The following JPH1 variants were observed in gnomAD, a reference collection of about 807,000 sequenced individuals.
JPH1 encodes the protein junctophilin-1.
In JPH1, 12 loss-of-function variants were observed where a neutral mutation model predicts 53.6. The ratio of observed to expected loss-of-function variants is 0.22; its 90% CI spans 0.14 to 0.36. The LOEUF is 0.36. Among genes scored for constraint, JPH1 ranks in the 10% least tolerant of loss-of-function variants. The pLI, the probability that JPH1 is intolerant of heterozygous loss-of-function variation, is 1.00. For synonymous variants in JPH1, 375 were observed against 363.8 expected, an observed-to-expected ratio of 1.03 and a Z score of -0.35; for missense variants, 808 against 905.5, an observed-to-expected ratio of 0.89 and a Z score of 1.38.
intron 3 of JPH1, among the ~76,000 whole-genome samples, chr8:74,255,366 C>T (rs1806189904): frequency 6.6e-6 from 1 of 152,004 alleles, no homozygotes; most frequent in African/African-American, 2.4e-5. Context: ...AACTGGATCC[C>T]TTCCTTACAC....
Position 74,246,778 on chromosome 8 carries a change from G to A in JPH1, c.1259-1603C>T, listed in dbSNP as rs541280546. Among the ~76,000 whole-genome samples the A allele has an allele frequency of 5.3e-4, 81 of 152,268 alleles. 1 individual carries two copies. Among genetic ancestry groups the A allele is most frequent in the South Asian group, 1.2e-3 (6 of 4,832 alleles). Reference sequence around the variant, plus strand: ...CTTCTAGAAGATACATCCACTCCTGGGGATTCAAGTTTCCCAAATTTGTCA... The same window carrying A: ...CTTCTAGAAGATACATCCACTCCTGAGGATTCAAGTTTCCCAAATTTGTCA... On this transcript the variant is annotated intron_variant, in intron 3 of 5. Transcript: ENST00000342232.
intron 2 of JPH1, among the ~76,000 whole-genome samples, chr8:74,310,288 T>TA (rs34501932): frequency 0.034 from 4,534 of 133,966 alleles, 197 homozygotes; most frequent in African/African-American, 0.1. Flanking sequence ...GAACATTTCT[T>TA]AAAAAAAAAA....
intron 2 of JPH1, among the ~76,000 whole-genome samples, chr8:74,310,861 C>G (rs963151486): frequency 6.6e-6 from 1 of 152,164 alleles, no homozygotes; most frequent in Non-Finnish European, 1.5e-5. Flanking sequence ...ATAAAAGTCT[C>G]TAAAGCATAA....
intron 2 of JPH1, among the ~76,000 whole-genome samples, chr8:74,278,952 G>GACAC (rs142504862): frequency 1.3e-5 from 2 of 150,522 alleles, no homozygotes; most frequent in African/African-American, 4.9e-5. Flanking sequence ...AAGCAAGACA[G>GACAC]ACACACACAC....
intron 2 of JPH1, among the ~76,000 whole-genome samples, chr8:74,314,544 AC>A (rs1269231501): frequency 1.3e-5 from 2 of 152,194 alleles, no homozygotes; most frequent in African/African-American, 4.8e-5. Context: ...AGAAAAGAAA[AC>A]AGCAACTTTC....
chr8:74,269,095 T>C (rs146787157), intron 2 of JPH1, among the ~76,000 whole-genome samples: 13 of 152,358 alleles, frequency 8.5e-5, no homozygotes, highest in African/African-American at 3.1e-4. Context: ...TGTTTTATAT[T>C]ATCTAAAATG....
At chr8:74,314,837 AC>A in intron 2 of JPH1, 23 bp downstream of exon 2, 1 of 1,612,756 alleles carries the variant, frequency 6.2e-7, no homozygotes, top group Non-Finnish European at 8.5e-7. Context: ...ACCCAGCAAA[AC>A]CAACCACCCT....
chr8:74,240,362 T>C (rs374164100), intron 4 of JPH1, among the ~76,000 whole-genome samples: 7 of 146,760 alleles, frequency 4.8e-5, no homozygotes, highest in African/African-American at 2.5e-5. Flanking sequence ...ATTTGTTCTA[T>C]TTTTTTTTTT....
chr8:74,320,760 G>A lies in JPH1; in HGVS notation c.379+149C>T, dbSNP rs1808292629. 3.1e-6 allele frequency: 3 copies of A among 953,756 alleles called. No individual in the cohort carries two copies. The highest frequency in any genetic ancestry group is 4.3e-6 in the Non-Finnish European group (3 of 690,912). The allele number at this position is 953,756 out of a possible 1,614,324, so 59.1% of individuals were successfully genotyped here. On this transcript the variant is annotated intron_variant, in intron 1 of 5. Coordinates refer to ENST00000342232, the MANE Select transcript of JPH1 (RefSeq NM_020647.4). The surrounding 1 kb of genome is among the most constrained non-coding windows in gnomAD (Gnocchi z 4.4). ...CCCAGCGCCCTCTCTGGGAAAGGCG[G>A]GCGCGGGCGCGGGGGTGGGAGGCGC... is the stretch of plus-strand genomic sequence containing the variant.
At chr8:74,300,491 T>A (rs1807648021) in intron 2 of JPH1, among the ~76,000 whole-genome samples, 1 of 152,220 alleles carries the variant, frequency 6.6e-6, no homozygotes, top group Admixed American at 6.5e-5. Flanking sequence ...TGATAATACT[T>A]CTGATATAAA....
intron 3 of JPH1, among the ~76,000 whole-genome samples, chr8:74,246,717 G>A (rs2131379323): frequency 6.6e-6 from 1 of 152,250 alleles, no homozygotes; most frequent in Admixed American, 6.5e-5. Context: ...GTTATACTCA[G>A]GGCACAAAAC....
At chr8:74,318,582 T>C (rs7826212) in intron 1 of JPH1, among the ~76,000 whole-genome samples, 97,644 of 152,014 alleles carry the variant, frequency 0.64, 33,067 homozygotes, top group African/African-American at 0.88. Flanking sequence ...TTCAGCAACA[T>C]GTAATACACA....
chr8:74,297,076 T>C (rs1350733254), intron 2 of JPH1, among the ~76,000 whole-genome samples: 1 of 151,626 alleles, frequency 6.6e-6, no homozygotes, highest in Non-Finnish European at 1.5e-5. Flanking sequence ...TCATGTTTGA[T>C]GAACAGTAAA....
chr8:74,283,059 C>T (rs1192513070), intron 2 of JPH1, among the ~76,000 whole-genome samples: 2 of 152,042 alleles, frequency 1.3e-5, no homozygotes, highest in Non-Finnish European at 2.9e-5. Flanking sequence ...TGTAGCAATG[C>T]TTGTGACAGT....
chr8:74,317,307 TA>T (rs1808192732), intron 1 of JPH1, among the ~76,000 whole-genome samples: 1 of 152,260 alleles, frequency 6.6e-6, no homozygotes, highest in African/African-American at 2.4e-5. Context: ...GTGGGTCTGG[TA>T]CTGTAAATGT....
intron 2 of JPH1, among the ~76,000 whole-genome samples, chr8:74,294,845 A>T (rs1807458283): frequency 6.6e-6 from 1 of 152,242 alleles, no homozygotes; most frequent in African/African-American, 2.4e-5. Context: ...TTAAATTTTC[A>T]CAATGGTCCT....
At chr8:74,262,962 GTTTTC>G (rs1806434805) in intron 2 of JPH1, among the ~76,000 whole-genome samples, 1 of 152,198 alleles carries the variant, frequency 6.6e-6, no homozygotes. Context: ...AGTATCTGAG[GTTTTC>G]TTTTCTTTAA....
chr8:74,261,136 G>A (rs1312438290), intron 2 of JPH1, among the ~76,000 whole-genome samples: 1 of 152,112 alleles, frequency 6.6e-6, no homozygotes, highest in Non-Finnish European at 1.5e-5. Flanking sequence ...GCATATCTGG[G>A]GGAGTTTAAT....
At chr8:74,284,821 C>G (rs1586757315) in intron 2 of JPH1, among the ~76,000 whole-genome samples, 1 of 126,550 alleles carries the variant, frequency 7.9e-6, no homozygotes, top group Non-Finnish European at 1.7e-5. Flanking sequence ...ACTATTTCTT[C>G]TTTCTTTCTT....
Sources: gnomAD v4.1 joint callset for allele counts (sites outside exome capture counted in the v4.1 genomes callset) on GRCh38, gnomAD v4.1.1 for gene constraint, Gnocchi (gnomAD v3.1) non-coding constraint, MANE v1.5 for transcripts, NCBI Gene and HGNC (gene_info 2026-07-23, HGNC 2026-07-21) for gene names.